The following GREM2 variants were observed in gnomAD, a reference collection of about 807,000 sequenced individuals.
GREM2 encodes gremlin-2.
GREM2 carries 11 observed loss-of-function variants against 14.2 expected under a neutral mutation model. The ratio of observed to expected loss-of-function variants is 0.78; its 90% CI spans 0.49 to 1.28. GREM2 has a LOEUF of 1.28. GREM2 is among the 50% of genes most tolerant of loss of function. GREM2 has a pLI of 0.00. For synonymous variants in GREM2, 98 were observed against 97.6 expected, an observed-to-expected ratio of 1.00 and a Z score of -0.02; for missense variants, 210 against 218.5, an observed-to-expected ratio of 0.96 and a Z score of 0.24.
chr1:240,529,708 G>A (rs1427253845), intron 1 of GREM2, among the ~76,000 whole-genome samples: 1 of 152,038 alleles, frequency 6.6e-6, no homozygotes, highest in Non-Finnish European at 1.5e-5. Flanking sequence ...GTAATGGGGT[G>A]AGCATATTAG....
chr1:240,560,526 T>C (rs1220795894), intron 1 of GREM2, among the ~76,000 whole-genome samples: 3 of 152,128 alleles, frequency 2.0e-5, no homozygotes, highest in African/African-American at 7.2e-5. Flanking sequence ...TGAACCAAAC[T>C]GAATGAAGAG....
chr1:240,521,958 A>T (rs1026382985), intron 1 of GREM2, among the ~76,000 whole-genome samples: 1 of 151,632 alleles, frequency 6.6e-6, no homozygotes, highest in Non-Finnish European at 1.5e-5. Flanking sequence ...CCAAAAAAAA[A>T]ATTTTTTTTT....
intron 1 of GREM2, among the ~76,000 whole-genome samples, chr1:240,562,783 GTGTA>G (rs1285936552): frequency 6.6e-6 from 1 of 151,580 alleles, no homozygotes; most frequent in Admixed American, 6.6e-5. Context: ...GTGTATGAGT[GTGTA>G]TGTGTGTATG....
At chr1:240,584,444 G>A (rs547963099) in intron 1 of GREM2, among the ~76,000 whole-genome samples, 1 of 142,854 alleles carries the variant, frequency 7.0e-6, no homozygotes, top group African/African-American at 2.6e-5. Flanking sequence ...GCAGTGAGCT[G>A]AGATCAAGCC....
At chr1:240,579,117 C>T (rs867948421) in intron 1 of GREM2, among the ~76,000 whole-genome samples, 1 of 152,166 alleles carries the variant, frequency 6.6e-6, no homozygotes. Flanking sequence ...CCCCAGGCCA[C>T]ATCTGTCAGA....
rs1286190078 is a variant in GREM2 at position 240,492,921 on chromosome 1, A to G, written c.*48T>C. The G allele has an allele frequency of 2.2e-6, 3 of 1,363,468 alleles. No individual in the cohort carries two copies. The highest frequency in any genetic ancestry group is 3.0e-5 in the African/African-American group (2 of 65,984). The allele number at this position is 1,363,468 out of a possible 1,614,324, so 84.5% of individuals were successfully genotyped here. A position where few individuals can be genotyped will look rare whatever the true frequency, so the allele number is the denominator to read the frequency against. Reference sequence around the variant, plus strand: ...CAGGGACAGAGGCGGCGGCGGCGCCACCCAGCGGCCGGGCGCGCGCGGGGC... The same window carrying G: ...CAGGGACAGAGGCGGCGGCGGCGCCGCCCAGCGGCCGGGCGCGCGCGGGGC... On this transcript the variant is annotated 3_prime_UTR_variant, in exon 2 of 2. Transcript: ENST00000318160.
intron 1 of GREM2, among the ~76,000 whole-genome samples, chr1:240,547,275 C>A (rs145689829): frequency 6.6e-6 from 1 of 151,600 alleles, no homozygotes; most frequent in Non-Finnish European, 1.5e-5. Context: ...CCGAGGTGGG[C>A]GGATCACGAG....
At chr1:240,604,158 G>T (rs1457898211) in intron 1 of GREM2, among the ~76,000 whole-genome samples, 3 of 152,048 alleles carry the variant, frequency 2.0e-5, no homozygotes, top group Admixed American at 6.5e-5. Flanking sequence ...TCATTACCGT[G>T]GGGAGGGCAC....
chr1:240,549,147 C>T (rs1026093514), intron 1 of GREM2, among the ~76,000 whole-genome samples: 3 of 151,982 alleles, frequency 2.0e-5, no homozygotes, highest in Admixed American at 6.6e-5. Context: ...ACCAGCCCGG[C>T]CAACATGGAG....
chr1:240,584,196 A>C (rs1016417137), intron 1 of GREM2, among the ~76,000 whole-genome samples: 6 of 152,174 alleles, frequency 3.9e-5, no homozygotes, highest in African/African-American at 1.4e-4. Context: ...CCATCTCTAC[A>C]AAAAATTTTT....
At chr1:240,509,082 G>A (rs1677741846) in intron 1 of GREM2, among the ~76,000 whole-genome samples, 1 of 152,196 alleles carries the variant, frequency 6.6e-6, no homozygotes, top group Non-Finnish European at 1.5e-5. Flanking sequence ...ATTTCCCCAT[G>A]TTTAGAGTAG....
chr1:240,528,512 A>T (rs1678275369), intron 1 of GREM2, among the ~76,000 whole-genome samples: 1 of 152,166 alleles, frequency 6.6e-6, no homozygotes, highest in Non-Finnish European at 1.5e-5. Context: ...ATCTGGGTTG[A>T]AAAAAATGTA....
chr1:240,605,908 TA>T (rs140268103), intron 1 of GREM2, among the ~76,000 whole-genome samples: 25 of 152,252 alleles, frequency 1.6e-4, no homozygotes, highest in African/African-American at 6.0e-4. Flanking sequence ...CGTAAATTTT[TA>T]AAAAATTAAT....
chr1:240,539,493 T>C (rs1402214015), intron 1 of GREM2, among the ~76,000 whole-genome samples: 1 of 152,230 alleles, frequency 6.6e-6, no homozygotes, highest in Non-Finnish European at 1.5e-5. Flanking sequence ...TCTTCTGTTA[T>C]TAGATTTTAC....
At chr1:240,600,111 A>C (rs1679893584) in intron 1 of GREM2, among the ~76,000 whole-genome samples, 1 of 152,200 alleles carries the variant, frequency 6.6e-6, no homozygotes, top group African/African-American at 2.4e-5. Context: ...AGTAGAAAGA[A>C]GGGTAGACTG....
At chr1:240,567,480 AG>A (rs748237764) in intron 1 of GREM2, among the ~76,000 whole-genome samples, 3 of 152,338 alleles carry the variant, frequency 2.0e-5, no homozygotes, top group Admixed American at 1.3e-4. Flanking sequence ...CAAAGAAAAA[AG>A]TGCATTACTC....
chr1:240,521,297 G>A (rs6674728), intron 1 of GREM2, among the ~76,000 whole-genome samples: 150,714 of 152,312 alleles, frequency 0.99, 74,571 homozygotes, highest in East Asian at 1. Context: ...GGGTGGGCGC[G>A]GTGGCTCACG....
intron 1 of GREM2, among the ~76,000 whole-genome samples, chr1:240,574,046 A>G (rs1572405138): frequency 6.6e-6 from 1 of 151,868 alleles, no homozygotes; most frequent in East Asian, 1.9e-4. Context: ...TCAGCCTCCC[A>G]AGTAGCTGGG....
chr1:240,571,064 A>G (rs1679251911), intron 1 of GREM2, among the ~76,000 whole-genome samples: 3 of 152,242 alleles, frequency 2.0e-5, no homozygotes. Context: ...AAATTGAACT[A>G]GTATGTCTAT....
Sources: allele counts gnomAD v4.1 joint callset (sites outside exome capture counted in the v4.1 genomes callset), GRCh38; gene constraint gnomAD v4.1.1; transcripts MANE v1.5; gene names NCBI Gene and HGNC (gene_info 2026-07-23, HGNC 2026-07-21).